Variants in KIAA1549L observed in about 807,000 individuals in gnomAD.
The protein encoded by KIAA1549L is UPF0606 protein KIAA1549L.
Under a neutral mutation model 160.7 loss-of-function variants are expected in KIAA1549L, and 88 were observed. The ratio of observed to expected loss-of-function variants is 0.55; its 90% CI spans 0.46 to 0.65. The LOEUF is 0.65. KIAA1549L is among the 30% of genes least tolerant of loss of function. KIAA1549L has a pLI of 0.00. For missense variants in KIAA1549L, 2,258 were observed against 2,437.5 expected, an observed-to-expected ratio of 0.93 and a Z score of 1.55; for synonymous variants, 950 against 976.7, an observed-to-expected ratio of 0.97 and a Z score of 0.51.
At chr11:33,394,411 AAATAAATAAACAAAC>A (rs71034678) in intron 1 of KIAA1549L, among the ~76,000 whole-genome samples, 87,929 of 150,164 alleles carry the variant, frequency 0.59, 26,198 homozygotes, top group Non-Finnish European at 0.65. Flanking sequence ...ATAAATAAAT[AAATAAATAAACAAAC>A]AATAAACAAT....
chr11:33,517,504 G>A (rs1164800906), intron 1 of KIAA1549L, among the ~76,000 whole-genome samples: 1 of 152,166 alleles, frequency 6.6e-6, no homozygotes, highest in Non-Finnish European at 1.5e-5. Flanking sequence ...AGAGAATGTG[G>A]CCATTATGCC....
chr11:33,477,327 A>G (rs1387161735), intron 1 of KIAA1549L, among the ~76,000 whole-genome samples: 5 of 152,220 alleles, frequency 3.3e-5, no homozygotes, highest in African/African-American at 1.2e-4. Flanking sequence ...TACTTCAGAA[A>G]AAGTGAACGC....
At chr11:33,385,968 C>G (rs1201851025) in intron 1 of KIAA1549L, among the ~76,000 whole-genome samples, 1 of 152,078 alleles carries the variant, frequency 6.6e-6, no homozygotes, top group Non-Finnish European at 1.5e-5. Context: ...CATTTTAGTT[C>G]TAGTAGCTTT....
intron 1 of KIAA1549L, among the ~76,000 whole-genome samples, chr11:33,436,056 A>G (rs924196486): frequency 2.6e-5 from 4 of 151,316 alleles, no homozygotes; most frequent in Admixed American, 1.3e-4. Flanking sequence ...ATTAAGTACT[A>G]TAAGCGATCT....
chr11:33,559,660 G>C (rs1435573130), intron 6 of KIAA1549L, 89 bp from the exon 7 acceptor site: 1 of 1,089,760 alleles, frequency 9.2e-7, no homozygotes, highest in Non-Finnish European at 1.4e-6. Flanking sequence ...CTCAACTCCT[G>C]CTTAGCCTCC....
intron 1 of KIAA1549L, among the ~76,000 whole-genome samples, chr11:33,487,353 C>T (rs1450084232): frequency 6.7e-6 from 1 of 148,756 alleles, no homozygotes; most frequent in Non-Finnish European, 1.5e-5. Flanking sequence ...AGGTGGGGGG[C>T]AGGTTGCTGG....
chr11:33,568,361 G>C, intron 9 of KIAA1549L, 134 bp downstream of exon 9: 1 of 795,648 alleles, frequency 1.3e-6, no homozygotes, highest in Non-Finnish European at 1.9e-6. Flanking sequence ...TTTTATCAAG[G>C]CTGCTCTTAG....
intron 1 of KIAA1549L, among the ~76,000 whole-genome samples, chr11:33,400,542 C>G (rs113132234): frequency 1.3e-5 from 2 of 152,252 alleles, no homozygotes; most frequent in African/African-American, 4.8e-5. Context: ...TTGATTTTTA[C>G]CAGAGCAGGT....
At chr11:33,417,047 T>C (rs2134096426) in intron 1 of KIAA1549L, among the ~76,000 whole-genome samples, 2 of 152,330 alleles carry the variant, frequency 1.3e-5, no homozygotes, top group Middle Eastern at 6.8e-3. Flanking sequence ...TCTATCTGTG[T>C]TGTCCAATAC....
intron 1 of KIAA1549L, among the ~76,000 whole-genome samples, chr11:33,424,427 A>T (rs1851078316): frequency 6.6e-6 from 1 of 152,138 alleles, no homozygotes; most frequent in Non-Finnish European, 1.5e-5. Context: ...TGCAGTCTTA[A>T]TTTGGCTCCT....
chr11:33,394,058 C>T (rs1850321502), intron 1 of KIAA1549L, among the ~76,000 whole-genome samples: 2 of 152,138 alleles, frequency 1.3e-5, no homozygotes, highest in African/African-American at 2.4e-5. Context: ...TAACTTCTCT[C>T]CACAGATGGG....
intron 1 of KIAA1549L, among the ~76,000 whole-genome samples, chr11:33,518,138 C>CAAAAAAAAAAAAAAAAAAAAAAAAAAA (rs560876643): frequency 1.7e-5 from 1 of 59,412 alleles, no homozygotes; most frequent in African/African-American, 6.6e-5. Flanking sequence ...GACTCTGTCT[C>CAAAAAAAAAAAAAAAAAAAAAAAAAAA]AAAAAAAAAA....
intron 16 of KIAA1549L, among the ~76,000 whole-genome samples, chr11:33,633,983 G>A (rs565758856): frequency 5.9e-5 from 9 of 152,284 alleles, no homozygotes; most frequent in African/African-American, 2.2e-4. Flanking sequence ...TCCCCAGGAG[G>A]GAGAGGGCGA....
chr11:33,461,195 C>T (rs944779134), intron 1 of KIAA1549L, among the ~76,000 whole-genome samples: 1 of 134,436 alleles, frequency 7.4e-6, no homozygotes. Context: ...TTATAGACCA[C>T]CCTTTCAATA....
intron 1 of KIAA1549L, among the ~76,000 whole-genome samples, chr11:33,435,818 G>GTATATATATA (rs1178288261): frequency 8.8e-5 from 4 of 45,324 alleles, no homozygotes; most frequent in Middle Eastern, 0.011. Context: ...ATATGTGTGT[G>GTATATATATA]TATATATATA....
intron 1 of KIAA1549L, among the ~76,000 whole-genome samples, chr11:33,436,473 G>GCC (rs992393712): frequency 2.0e-5 from 3 of 152,194 alleles, no homozygotes; most frequent in African/African-American, 7.2e-5. Context: ...GATGAGGCCA[G>GCC]CCCCTGCTGG....
intron 16 of KIAA1549L, among the ~76,000 whole-genome samples, chr11:33,625,818 A>AC (rs1851094709): frequency 6.6e-6 from 1 of 152,080 alleles, no homozygotes; most frequent in South Asian, 2.1e-4. Flanking sequence ...GGTGTTTTAG[A>AC]CATGAAGTCC....
intron 1 of KIAA1549L, among the ~76,000 whole-genome samples, chr11:33,437,681 G>A (rs545357432): frequency 1.3e-5 from 2 of 152,292 alleles, no homozygotes; most frequent in African/African-American, 4.8e-5. Context: ...TCCTATTGGT[G>A]GGGCCTCCCT....
chr11:33,393,226 C>A (rs1850305828), intron 1 of KIAA1549L, among the ~76,000 whole-genome samples: 1 of 152,162 alleles, frequency 6.6e-6, no homozygotes, highest in Non-Finnish European at 1.5e-5. Context: ...CCTGGGAAGC[C>A]CTTCCCAGCC....
Sources: gnomAD v4.1 joint callset for allele counts (sites outside exome capture counted in the v4.1 genomes callset) on GRCh38, gnomAD v4.1.1 for gene constraint, MANE v1.5 for transcripts, NCBI Gene and HGNC (gene_info 2026-07-23, HGNC 2026-07-21) for gene names.